Variants in PPARGC1A observed in about 807,000 individuals in gnomAD.
PPARGC1A encodes peroxisome proliferator-activated receptor gamma coactivator 1-alpha.
A neutral mutation model predicts 88.7 loss-of-function variants in PPARGC1A; 25 were observed. The observed-to-expected ratio is 0.28, with a 90% CI of 0.21 to 0.39. The LOEUF (loss-of-function observed/expected upper bound fraction) is 0.39, where lower values mean the gene tolerates loss of function less well. PPARGC1A is among the 10% of genes least tolerant of loss of function. The probability of loss-of-function intolerance (pLI) is 1.00; values close to 1 mark genes in which losing one functional copy is unlikely to be tolerated. For synonymous variants in PPARGC1A, 363 were observed against 355.6 expected (o/e 1.02, Z -0.24); for missense variants, 880 against 968.7 (o/e 0.91, Z 1.22).
At chr4:24,051,575 G>A in the PPARGC1A span, among the ~76,000 whole-genome samples, 1 of 152,126 alleles carries the variant, frequency 6.6e-6, no homozygotes, top group East Asian at 1.9e-4. Context: ...AAATCACATA[G>A]CCCACAAGTG....
intron 12 of PPARGC1A, among the ~76,000 whole-genome samples, chr4:23,800,972 T>C (rs981255594): frequency 5.9e-5 from 9 of 151,516 alleles, no homozygotes; most frequent in African/African-American, 1.7e-4. Context: ...TCTTTCTTTT[T>C]TTTTTTTTTT....
chr4:24,381,384 T>G, the PPARGC1A span, among the ~76,000 whole-genome samples: 1 of 152,172 alleles, frequency 6.6e-6, no homozygotes, highest in East Asian at 1.9e-4. Flanking sequence ...AAATTAGAAG[T>G]AAACACAGGA....
chr4:24,360,692 C>T, the PPARGC1A span, among the ~76,000 whole-genome samples: 1 of 152,312 alleles, frequency 6.6e-6, no homozygotes, highest in African/African-American at 2.4e-5. Flanking sequence ...TGTTGCAGAG[C>T]AGTGCCTGAT....
the PPARGC1A span, among the ~76,000 whole-genome samples, chr4:24,350,116 C>T: frequency 2.0e-5 from 3 of 152,212 alleles, no homozygotes; most frequent in African/African-American, 7.2e-5. Context: ...GTCTCCCTTT[C>T]CCACTTCTGC....
At chr4:24,235,274 C>T in the PPARGC1A span, among the ~76,000 whole-genome samples, 6 of 152,144 alleles carry the variant, frequency 3.9e-5, no homozygotes, top group African/African-American at 1.4e-4. Context: ...CTCTTGGGCC[C>T]TTAATATAGT....
chr4:24,024,400 A>T, the PPARGC1A span, among the ~76,000 whole-genome samples: 1 of 152,210 alleles, frequency 6.6e-6, no homozygotes, highest in Non-Finnish European at 1.5e-5. Context: ...CTACATCAGC[A>T]GTCAGTTCTT....
intron 2 of PPARGC1A, among the ~76,000 whole-genome samples, chr4:23,857,386 A>ACG (rs528692789): frequency 3.5e-4 from 51 of 143,796 alleles, no homozygotes; most frequent in African/African-American, 1.3e-3. Flanking sequence ...ACACACACAC[A>ACG]CGCACGTACT....
upstream of PPARGC1A, among the ~76,000 whole-genome samples, chr4:23,906,631 G>T (rs959041864): frequency 2.1e-5 from 3 of 144,856 alleles, no homozygotes; most frequent in South Asian, 6.7e-4. Context: ...AAAAAAAGAA[G>T]ATATTTTCCA....
chr4:24,028,064 C>T, the PPARGC1A span, among the ~76,000 whole-genome samples: 8 of 151,844 alleles, frequency 5.3e-5, no homozygotes, highest in South Asian at 6.2e-4. Flanking sequence ...AGGCCTTCAA[C>T]GAAAATGGAA....
intron 1 of PPARGC1A, among the ~76,000 whole-genome samples, chr4:23,895,972 GTGTGTGTGTA>G (rs1315519155): frequency 2.2e-3 from 121 of 54,506 alleles, no homozygotes; most frequent in African/African-American, 7.9e-3. Context: ...GTGTGTGTGT[GTGTGTGTGTA>G]TATATATATA....
At chr4:24,039,001 C>G in the PPARGC1A span, among the ~76,000 whole-genome samples, 2 of 152,092 alleles carry the variant, frequency 1.3e-5, no homozygotes, top group African/African-American at 4.8e-5. Flanking sequence ...ATTACATTCA[C>G]GAAACAGACA....
the PPARGC1A span, among the ~76,000 whole-genome samples, chr4:23,989,224 A>G: frequency 6.6e-6 from 1 of 151,886 alleles, no homozygotes. Context: ...GTTTTCTTTT[A>G]ATAATGCACA....
the PPARGC1A span, among the ~76,000 whole-genome samples, chr4:24,110,274 C>T: frequency 6.6e-6 from 1 of 152,154 alleles, no homozygotes; most frequent in Non-Finnish European, 1.5e-5. Flanking sequence ...TAAAACACCA[C>T]CAGATTTTAA....
At chr4:24,285,302 A>C in the PPARGC1A span, among the ~76,000 whole-genome samples, 26 of 152,318 alleles carry the variant, frequency 1.7e-4, no homozygotes, top group East Asian at 4.8e-3. Flanking sequence ...CTAGATAAGT[A>C]AGAAATTAAA....
At chr4:24,385,167 A>C in the PPARGC1A span, among the ~76,000 whole-genome samples, 1 of 152,202 alleles carries the variant, frequency 6.6e-6, no homozygotes, top group Non-Finnish European at 1.5e-5. Flanking sequence ...AAATTAAGGA[A>C]GAAATAAATA....
At chr4:23,828,049 T>A (rs974951661) in intron 5 of PPARGC1A, among the ~76,000 whole-genome samples, 2 of 152,144 alleles carry the variant, frequency 1.3e-5, no homozygotes, top group South Asian at 2.1e-4. Context: ...AGGGAAAAAA[T>A]AAAAGCTCTA....
the PPARGC1A span, among the ~76,000 whole-genome samples, chr4:24,064,306 C>T: frequency 6.6e-6 from 1 of 152,174 alleles, no homozygotes; most frequent in East Asian, 1.9e-4. Context: ...GGTGCCTGTA[C>T]ACCCCTGACA....
At chr4:23,909,379 T>C in the PPARGC1A span, among the ~76,000 whole-genome samples, 101,931 of 151,996 alleles carry the variant, frequency 0.67, 35,662 homozygotes, top group African/African-American at 0.86. Context: ...GCCCTAATCA[T>C]GAGGTTAGCA....
At chr4:23,895,292 A>T (rs1291767957) in intron 1 of PPARGC1A, among the ~76,000 whole-genome samples, 1 of 151,688 alleles carries the variant, frequency 6.6e-6, no homozygotes, top group East Asian at 1.9e-4. Context: ...AGTCTCAAAA[A>T]GGTAACAATA....
Sources: allele counts gnomAD v4.1 joint callset (sites outside exome capture counted in the v4.1 genomes callset), GRCh38; gene constraint gnomAD v4.1.1; transcripts MANE v1.5; gene names NCBI Gene and HGNC (gene_info 2026-07-23, HGNC 2026-07-21).